Variants in MEI4 observed in about 807,000 individuals in gnomAD.
MEI4 encodes meiotic double-stranded break formation protein 4.
In MEI4, 27 loss-of-function variants were observed where a neutral mutation model predicts 31.4. That is an observed-to-expected ratio of 0.86 (90% CI 0.63 to 1.19). The LOEUF is 1.19. Ranked by LOEUF, MEI4 falls within the 50% of genes most tolerant of loss-of-function variation. MEI4 has a pLI of 0.00. For missense variants in MEI4, 329 were observed against 398.9 expected (o/e 0.82, Z 1.49); for synonymous variants, 122 against 145.4 (o/e 0.84, Z 1.16).
intron 4 of MEI4, among the ~76,000 whole-genome samples, chr6:77,846,354 T>G (rs1770486632): frequency 6.6e-6 from 1 of 152,178 alleles, no homozygotes; most frequent in Non-Finnish European, 1.5e-5. Flanking sequence ...CTTTTTATCT[T>G]TTATTGGATT....
At chr6:77,801,180 G>T (rs573885586) in intron 3 of MEI4, among the ~76,000 whole-genome samples, 77 of 152,240 alleles carry the variant, frequency 5.1e-4, no homozygotes, top group African/African-American at 1.8e-3. Flanking sequence ...GCCTGTTTTT[G>T]GTCTATTCAG....
At chr6:77,703,350 A>C (rs573108885) in intron 2 of MEI4, among the ~76,000 whole-genome samples, 10 of 152,276 alleles carry the variant, frequency 6.6e-5, no homozygotes, top group African/African-American at 2.2e-4. Context: ...AGAGCTCCTG[A>C]CTCTAAGAGA....
chr6:77,828,142 C>T (rs796141451), intron 3 of MEI4, among the ~76,000 whole-genome samples: 3 of 152,114 alleles, frequency 2.0e-5, no homozygotes, highest in African/African-American at 7.2e-5. Flanking sequence ...TCTAACTTAA[C>T]AGATATTTCT....
At chr6:77,904,082 T>A (rs1250362786) in intron 4 of MEI4, among the ~76,000 whole-genome samples, 2 of 152,162 alleles carry the variant, frequency 1.3e-5, no homozygotes, top group Non-Finnish European at 2.9e-5. Context: ...AACTTAGTAC[T>A]GTGGTTTTGT....
chr6:77,707,479 C>T (rs905384473), intron 2 of MEI4, among the ~76,000 whole-genome samples: 4 of 152,214 alleles, frequency 2.6e-5, no homozygotes, highest in African/African-American at 9.6e-5. Flanking sequence ...GGAAAATTCT[C>T]ATCCTGACCA....
intron 4 of MEI4, among the ~76,000 whole-genome samples, chr6:77,871,037 G>T (rs1450304636): frequency 6.6e-6 from 1 of 152,080 alleles, no homozygotes; most frequent in Non-Finnish European, 1.5e-5. Context: ...ATATTTGCAT[G>T]CTTATTTTAG....
At chr6:77,708,175 C>G (rs1180192457) in intron 2 of MEI4, among the ~76,000 whole-genome samples, 1 of 152,220 alleles carries the variant, frequency 6.6e-6, no homozygotes, top group Non-Finnish European at 1.5e-5. Context: ...CAACTCTAAC[C>G]AGTGAGAGCA....
chr6:77,858,779 C>T (rs1036630339), intron 4 of MEI4, among the ~76,000 whole-genome samples: 2 of 150,950 alleles, frequency 1.3e-5, no homozygotes, highest in Non-Finnish European at 2.9e-5. Context: ...TAATGAGTTT[C>T]TATACAGTTT....
intron 3 of MEI4, among the ~76,000 whole-genome samples, chr6:77,802,863 T>C (rs1489768120): frequency 1.3e-5 from 2 of 152,200 alleles, no homozygotes; most frequent in Non-Finnish European, 2.9e-5. Context: ...ATGGGCTTCC[T>C]TTTGTGGTTA....
intron 3 of MEI4, among the ~76,000 whole-genome samples, chr6:77,804,044 T>C (rs1769355809): frequency 6.6e-6 from 1 of 152,198 alleles, no homozygotes; most frequent in Non-Finnish European, 1.5e-5. Flanking sequence ...TGCTGCCTTT[T>C]GTTTGGCTAT....
chr6:77,702,926 A>AT (rs1215477964), intron 2 of MEI4, among the ~76,000 whole-genome samples: 1 of 152,028 alleles, frequency 6.6e-6, no homozygotes, highest in East Asian at 1.9e-4. Flanking sequence ...TTCTTTTGTC[A>AT]TGCAGTTTCG....
intron 3 of MEI4, among the ~76,000 whole-genome samples, chr6:77,802,791 A>T (rs980505287): frequency 6.6e-6 from 1 of 152,324 alleles, no homozygotes; most frequent in East Asian, 1.9e-4. Context: ...AGAATGTTGA[A>T]TATTGGCTCA....
intron 1 of MEI4, among the ~76,000 whole-genome samples, chr6:77,675,123 CAT>C (rs1260400705): frequency 6.6e-6 from 1 of 152,022 alleles, no homozygotes; most frequent in African/African-American, 2.4e-5. Context: ...CAGTTTTTAA[CAT>C]GTGTCTTTTT....
upstream of MEI4, among the ~76,000 whole-genome samples, chr6:77,650,903 G>A (rs533303289): frequency 6.6e-6 from 1 of 152,272 alleles, no homozygotes; most frequent in Admixed American, 6.5e-5. Context: ...CCTGTGTTTT[G>A]AGGTCTTTGG....
intron 2 of MEI4, among the ~76,000 whole-genome samples, chr6:77,740,259 C>A (rs948038123): frequency 6.6e-6 from 1 of 152,030 alleles, no homozygotes; most frequent in African/African-American, 2.4e-5. Context: ...TGTGGTGGCA[C>A]ATGAGGATGA....
intron 4 of MEI4, among the ~76,000 whole-genome samples, chr6:77,917,814 T>A (rs1766598759): frequency 6.6e-6 from 1 of 150,800 alleles, no homozygotes; most frequent in African/African-American, 2.5e-5. Flanking sequence ...GCCATTGCTT[T>A]TGGTGTTTTG....
rs550480335 is a variant in MEI4, at chr6:77,881,500, G to A, written c.901-41589G>A. On this transcript the variant is annotated intron_variant, in intron 4 of 4. Coordinates refer to ENST00000684080, the MANE Select transcript of MEI4 (RefSeq NM_001322247.2). The stretch of plus-strand genomic sequence containing the variant: ...TTGAATAACTGCCTAGGTCAAATTT[G>A]TAGAAACCATGCATACAAACACATA... Among the ~76,000 whole-genome samples, 16 of 152,300 alleles carry A rather than the reference G, an allele frequency of 1.1e-4. No individual in the cohort carries two copies. The South Asian group carries it at 3.3e-3, about 32-fold the overall frequency.
chr6:77,678,318 A>G (rs1768883078), intron 1 of MEI4, among the ~76,000 whole-genome samples: 1 of 152,182 alleles, frequency 6.6e-6, no homozygotes, highest in African/African-American at 2.4e-5. Context: ...GCTTGAGGCC[A>G]GTTTTTGACT....
intron 4 of MEI4, among the ~76,000 whole-genome samples, chr6:77,878,576 A>G (rs1771400562): frequency 6.6e-6 from 1 of 152,076 alleles, no homozygotes; most frequent in South Asian, 2.1e-4. Context: ...ATAAATAACC[A>G]ATTTATTTTA....
Sources: allele counts gnomAD v4.1 joint callset (sites outside exome capture counted in the v4.1 genomes callset), GRCh38; gene constraint gnomAD v4.1.1; transcripts MANE v1.5; gene names NCBI Gene and HGNC (gene_info 2026-07-23, HGNC 2026-07-21).